The following NLRC5 variants were observed in gnomAD, a reference collection of about 807,000 sequenced individuals.
The protein encoded by NLRC5 is protein NLRC5.
In NLRC5, 114 loss-of-function variants were observed where a neutral mutation model predicts 206.9. The ratio of observed to expected loss-of-function variants is 0.55; its 90% CI spans 0.47 to 0.64. NLRC5 has a LOEUF of 0.64. Ranked by LOEUF, NLRC5 falls within the 30% of genes least tolerant of loss-of-function variation. The pLI is 0.00. For synonymous variants in NLRC5, 952 were observed against 962.8 expected, an observed-to-expected ratio of 0.99 and a Z score of 0.21; for missense variants, 2,008 against 2,305.5, an observed-to-expected ratio of 0.87 and a Z score of 2.64.
In NLRC5 at chr16:57,033,635, A is replaced by G. The variant is rs1414948703; in HGVS notation, c.2509A>G (p.Arg837Gly). ...APDLQESDGQ[R>G]KGAQSRSLTL... is the part of the protein sequence containing the mutation. The stretch of plus-strand genomic sequence containing the variant: ...AGACCTGCAGGAAAGTGACGGCCAG[A>G]GGAAAGGGGCTCAGAGCAGAAGCTT... Residue 837 changes from arginine (R) to glycine (G), a missense_variant, in exon 12 of 49, where the codon AGG becomes GGG. Physicochemically the swap from Arg to Gly is moderately radical, Grantham distance 125. Transcript: ENST00000688547. The G allele has an allele frequency of 6.2e-7, 1 of 1,614,026 alleles. No homozygotes were observed. Among genetic ancestry groups the G allele is most frequent in the Non-Finnish European group, 8.5e-7 (1 of 1,180,006 alleles).
chr16:57,067,016 C>G (rs753825908), intron 34 of NLRC5, among the ~76,000 whole-genome samples: 8 of 152,246 alleles, frequency 5.3e-5, no homozygotes, highest in Non-Finnish European at 8.8e-5. Context: ...CCATTATCCA[C>G]TCTTATAGAT....
chr16:57,049,399 T>C (rs1338859374), intron 23 of NLRC5, among the ~76,000 whole-genome samples: 1 of 152,212 alleles, frequency 6.6e-6, no homozygotes, highest in Non-Finnish European at 1.5e-5. Flanking sequence ...GGATGCGGGC[T>C]CTGCTGGCCA....
At position 57,055,093 on chromosome 16, in the gene NLRC5, G is replaced by A. The variant is rs1342952715; in HGVS notation, c.3658G>A (p.Gly1220Ser). 1 of 1,614,066 alleles carries A rather than the reference G, an allele frequency of 6.2e-7. No individual in the cohort carries two copies. The highest frequency in any genetic ancestry group is 1.7e-5 in the Admixed American group (1 of 60,012). Residue 1220 changes from glycine (G) to serine (S), a missense_variant and splice_region_variant, in exon 26 of 49, where the codon GGC (glycine) becomes AGC (serine). Coordinates refer to ENST00000688547, the MANE Select transcript of NLRC5 (RefSeq NM_001384950.1). ...SNEEEEGVCC[G>S]RFTGCSLSQE... ...CGAGGAGGAGGAAGGCGTGTGCTGT[G>A]GGTAAGCCCCCTTGAACCATGCCTA...
chr16:57,062,203 C>T (rs1437781613), intron 32 of NLRC5: 2 of 482,388 alleles, frequency 4.1e-6, no homozygotes, highest in East Asian at 6.9e-5. Flanking sequence ...ATCCATCACT[C>T]CTAAATATTT....
rs767654733 is a variant in NLRC5, at chr16:57,043,570, T to C, written c.3169T>C (p.Ser1057Pro). 1 of 1,614,132 alleles carries C rather than the reference T, an allele frequency of 6.2e-7. No individual in the cohort carries two copies. The highest frequency in any genetic ancestry group is 8.5e-7 in the Non-Finnish European group (1 of 1,180,006). The stretch of plus-strand genomic sequence containing the variant: ...CGTGTTGGGTTTGGTTCGGTGCTTC[T>C]CCACTCTGCAGTGGCTCTTCCGCTT... ...DAVLGLVRCF[S>P]TLQWLFRLDI... is the part of the protein sequence containing the mutation. The change falls in exon 20 of 49, where the codon TCC becomes CCC. Residue 1057 changes from serine to proline, a missense_variant. By Grantham distance (74) the Ser-to-Pro change is moderately conservative. Coordinates refer to ENST00000688547, the MANE Select transcript of NLRC5 (RefSeq NM_001384950.1).
At chr16:57,075,142 G>A (rs1235334535) in intron 39 of NLRC5, among the ~76,000 whole-genome samples, 5 of 148,852 alleles carry the variant, frequency 3.4e-5, no homozygotes, top group Non-Finnish European at 7.4e-5. Flanking sequence ...CTGGGCGAAC[G>A]TGATCCTCCT....
At chr16:57,035,317 C>A (rs1189129770) in intron 13 of NLRC5, among the ~76,000 whole-genome samples, 1 of 152,154 alleles carries the variant, frequency 6.6e-6, no homozygotes, top group Non-Finnish European at 1.5e-5. Context: ...CCTGCTTTCA[C>A]CCTGGCCACT....
intron 23 of NLRC5, among the ~76,000 whole-genome samples, chr16:57,048,929 C>T (rs375312899): frequency 2.0e-5 from 3 of 152,136 alleles, no homozygotes; most frequent in East Asian, 3.9e-4. Flanking sequence ...TATACTGATG[C>T]CTTTTAATAC....
chr16:57,057,723 G>A (rs1041715857), intron 27 of NLRC5, among the ~76,000 whole-genome samples: 50 of 152,228 alleles, frequency 3.3e-4, no homozygotes, highest in African/African-American at 1.2e-3. Flanking sequence ...AAGAGGATGG[G>A]TTTACTGTGG....
intron 39 of NLRC5, 67 bp downstream of exon 39, chr16:57,074,750 T>A (rs2068149849): frequency 1.3e-6 from 2 of 1,489,156 alleles, no homozygotes; most frequent in East Asian, 4.5e-5. Context: ...TGGGACCACA[T>A]CCAGGGAAGC....
intron 21 of NLRC5, 42 bp from the exon 22 acceptor site, chr16:57,046,510 G>A: frequency 6.4e-7 from 1 of 1,552,688 alleles, no homozygotes. Context: ...GGAGTCCGAG[G>A]GGGTGATCTG....
Position 57,082,442 on chromosome 16 carries a change from G to T in NLRC5, c.5515G>T (p.Asp1839Tyr), listed in dbSNP as rs763391450. ...CCTCTGGAATAACCCCATTCCCTGCGACATGGCCCAGCACCTGAAGAGCCA... is the reference window on the plus strand; with the variant it reads ...CCTCTGGAATAACCCCATTCCCTGCTACATGGCCCAGCACCTGAAGAGCCA... The part of the protein sequence containing the change: ...IRLWNNPIPC[D>Y]MAQHLKSQEP... Residue 1839 changes from aspartate to tyrosine, a missense_variant, in exon 49 of 49, where the codon GAC becomes TAC. Transcript: ENST00000688547. 4.3e-6 allele frequency: 7 copies of T among 1,613,370 alleles called. No homozygotes were observed. The highest frequency in any genetic ancestry group is 5.9e-6 in the Non-Finnish European group (7 of 1,179,576).
At chr16:57,024,944 C>T (rs113682055) in intron 5 of NLRC5, among the ~76,000 whole-genome samples, 1 of 152,014 alleles carries the variant, frequency 6.6e-6, no homozygotes, top group African/African-American at 2.4e-5. Flanking sequence ...CAGGAGTTTG[C>T]GGCTACAGTA....
At chr16:57,055,565 C>T in intron 27 of NLRC5, 46 bp downstream of exon 27, 1 of 1,485,894 alleles carries the variant, frequency 6.7e-7, no homozygotes, top group South Asian at 1.1e-5. Context: ...GGACGCATGC[C>T]TGAGGGGCAC....
chr16:57,082,676 C>T lies in NLRC5; in HGVS notation c.*148C>T, dbSNP rs2069294778. 3 of 602,914 alleles carry T rather than the reference C, an allele frequency of 5.0e-6. No homozygotes were observed. The highest frequency in any genetic ancestry group is 1.9e-5 in the African/African-American group (1 of 53,902). 37.3% of individuals were successfully genotyped at this position (602,914 alleles called of 1,614,324 possible). On this transcript the variant is annotated 3_prime_UTR_variant, in exon 49 of 49. Transcript: ENST00000688547. ...GAGGAAGGATACGTGTGTCCTGCTG[C>T]AGTCCTCAGGGAGAACTTTTTTGGG... is the stretch of plus-strand genomic sequence containing the variant.
intron 1 of NLRC5, among the ~76,000 whole-genome samples, chr16:56,997,886 G>T (rs1354991981): frequency 2.6e-5 from 4 of 152,174 alleles, no homozygotes; most frequent in African/African-American, 9.7e-5. Context: ...CAGCATTAGA[G>T]GCTCTTTTAA....
At chr16:57,038,195 A>G (rs1276542936) in intron 15 of NLRC5, among the ~76,000 whole-genome samples, 1 of 151,600 alleles carries the variant, frequency 6.6e-6, no homozygotes, top group African/African-American at 2.4e-5. Context: ...GGAACCATAG[A>G]AAAAAAAATG....
At chr16:57,016,150 G>A (rs1159201394) in intron 1 of NLRC5, among the ~76,000 whole-genome samples, 1 of 152,080 alleles carries the variant, frequency 6.6e-6, no homozygotes, top group African/African-American at 2.4e-5. Context: ...AGGAGGTGGA[G>A]GTTGCAGTGA....
At chr16:57,010,499 G>T (rs1266368748) in intron 1 of NLRC5, among the ~76,000 whole-genome samples, 1 of 152,074 alleles carries the variant, frequency 6.6e-6, no homozygotes, top group Non-Finnish European at 1.5e-5. Flanking sequence ...ACAGCCTCCC[G>T]ATTAGCTGGG....
Sources: allele counts gnomAD v4.1 joint callset (sites outside exome capture counted in the v4.1 genomes callset), GRCh38; gene constraint gnomAD v4.1.1; transcripts MANE v1.5; gene names NCBI Gene and HGNC (gene_info 2026-07-23, HGNC 2026-07-21).